The following RGS6 variants were observed in gnomAD, a reference collection of about 807,000 sequenced individuals.
RGS6 encodes regulator of G-protein signaling 6.
RGS6 carries 30 observed loss-of-function variants against 78.5 expected under a neutral mutation model. That is an observed-to-expected ratio of 0.38 (90% CI 0.29 to 0.52). RGS6 has a LOEUF of 0.52. Among genes scored for constraint, RGS6 ranks in the 20% least tolerant of loss-of-function variants. The pLI, the probability that RGS6 is intolerant of heterozygous loss-of-function variation, is 0.85. For synonymous variants in RGS6, 206 were observed against 206.0 expected (o/e 1.00, Z 0.00); for missense variants, 495 against 609.7 (o/e 0.81, Z 1.98).
At chr14:72,487,421 G>A (rs1234584363) in intron 12 of RGS6, among the ~76,000 whole-genome samples, 3 of 152,330 alleles carry the variant, frequency 2.0e-5, no homozygotes, top group East Asian at 3.9e-4. Flanking sequence ...CAGAACCTGT[G>A]AATAGGTTAT....
chr14:72,454,702 G>A lies in RGS6; in HGVS notation c.235+124G>A. ...CTTGTAAATGTGAATTCCAAGACGT[G>A]GAATCACTCTATTTACAAATAAAAT... On this transcript the variant is annotated intron_variant, in intron 4 of 17. Transcript: ENST00000553525. 5.9e-6 allele frequency: 4 copies of A among 672,880 alleles called. 1 individual carries two copies. The highest frequency in any genetic ancestry group is 5.9e-5 in the South Asian group (3 of 50,640). 41.7% of individuals were successfully genotyped at this position (672,880 alleles called of 1,614,324 possible).
the RGS6 span, among the ~76,000 whole-genome samples, chr14:72,604,269 C>A: frequency 6.6e-6 from 1 of 152,160 alleles, no homozygotes; most frequent in East Asian, 1.9e-4. Flanking sequence ...GCCCAGCATC[C>A]CTAGAATAAA....
intron 3 of RGS6, among the ~76,000 whole-genome samples, chr14:72,373,274 G>A (rs2083892491): frequency 1.3e-5 from 2 of 152,204 alleles, no homozygotes; most frequent in Non-Finnish European, 2.9e-5. Flanking sequence ...GTACCTCATC[G>A]AGTTCATATT....
At chr14:72,538,372 C>G (rs544657732) in intron 16 of RGS6, among the ~76,000 whole-genome samples, 3 of 152,338 alleles carry the variant, frequency 2.0e-5, no homozygotes, top group Admixed American at 6.5e-5. Context: ...AATTCAGCCT[C>G]TTTTCTAATA....
At chr14:72,527,784 C>A (rs1416568206) in intron 15 of RGS6, among the ~76,000 whole-genome samples, 1 of 152,228 alleles carries the variant, frequency 6.6e-6, no homozygotes, top group Admixed American at 6.5e-5. Flanking sequence ...CACAGCAACA[C>A]CACATTCTGT....
intron 2 of RGS6, among the ~76,000 whole-genome samples, chr14:72,103,488 A>G (rs2153529893): frequency 6.6e-6 from 1 of 152,360 alleles, no homozygotes; most frequent in Non-Finnish European, 1.5e-5. Flanking sequence ...TCTGAATAGC[A>G]GCAATCATCA....
At chr14:72,119,608 C>T (rs1264651529) in intron 2 of RGS6, among the ~76,000 whole-genome samples, 2 of 152,036 alleles carry the variant, frequency 1.3e-5, no homozygotes, top group African/African-American at 4.8e-5. Context: ...AATTCAAGTA[C>T]TGATTTTAGC....
intron 2 of RGS6, among the ~76,000 whole-genome samples, chr14:72,194,987 C>T (rs546008264): frequency 5.9e-5 from 9 of 152,214 alleles, no homozygotes; most frequent in South Asian, 4.2e-4. Context: ...GCAGGCGGAT[C>T]GCTTGAGGTC....
At chr14:71,983,968 G>T (rs1269496840) in intron 2 of RGS6, among the ~76,000 whole-genome samples, 1 of 152,122 alleles carries the variant, frequency 6.6e-6, no homozygotes, top group East Asian at 1.9e-4. Flanking sequence ...ACTGTGTGGG[G>T]AATAAAAAGT....
chr14:72,295,151 C>T (rs912826865), intron 2 of RGS6, among the ~76,000 whole-genome samples: 30 of 151,426 alleles, frequency 2.0e-4, no homozygotes, highest in African/African-American at 5.1e-4. Context: ...ATTAGCCGGG[C>T]GTAGTGGCGG....
chr14:72,414,904 C>T (rs1037975191), intron 3 of RGS6, among the ~76,000 whole-genome samples: 1 of 152,202 alleles, frequency 6.6e-6, no homozygotes, highest in Non-Finnish European at 1.5e-5. Context: ...CCTGATCGTT[C>T]CTCTGGAAGT....
chr14:72,117,268 TG>T (rs1455200574), intron 2 of RGS6, among the ~76,000 whole-genome samples: 3 of 151,868 alleles, frequency 2.0e-5, no homozygotes, highest in Non-Finnish European at 4.4e-5. Context: ...ACGTTGGAGG[TG>T]GGGGCTGGTG....
At chr14:72,027,534 A>G (rs1342607870) in intron 2 of RGS6, among the ~76,000 whole-genome samples, 2 of 148,458 alleles carry the variant, frequency 1.3e-5, no homozygotes, top group African/African-American at 2.5e-5. Context: ...AAGTGGTTTT[A>G]CTACCCTGTT....
chr14:72,409,389 G>A (rs1049377025), intron 3 of RGS6, among the ~76,000 whole-genome samples: 3 of 151,306 alleles, frequency 2.0e-5, no homozygotes, highest in Non-Finnish European at 3.0e-5. Flanking sequence ...AGGTTAGTTG[G>A]AGGTTTCTGA....
chr14:72,251,940 T>A (rs2055897470), intron 2 of RGS6, among the ~76,000 whole-genome samples: 1 of 152,252 alleles, frequency 6.6e-6, no homozygotes, highest in Non-Finnish European at 1.5e-5. Flanking sequence ...TTCTAATGAC[T>A]ATTAGCCAAG....
Position 72,182,526 on chromosome 14 carries a change from C to T in RGS6, c.85-169569C>T, listed in dbSNP as rs751570470. Among the ~76,000 whole-genome samples the T allele has an allele frequency of 3.9e-5, 6 of 152,174 alleles. No homozygotes were observed. In the East Asian group the frequency reaches 7.7e-4, roughly 20 times the overall value. ...ATGCTAGGTTGCACTCCTTGCACTC[C>T]GTAGTGCAACCCAATAGCACCATGG... On this transcript the variant is annotated intron_variant, in intron 2 of 17. Coordinates refer to ENST00000553525, the MANE Select transcript of RGS6 (RefSeq NM_001204424.2).
intron 3 of RGS6, among the ~76,000 whole-genome samples, chr14:72,399,759 G>T (rs1010461255): frequency 6.6e-6 from 1 of 152,138 alleles, no homozygotes; most frequent in African/African-American, 2.4e-5. Context: ...TTGCTTGTCT[G>T]TAAAGTATTT....
chr14:72,615,641 C>T, the RGS6 span, among the ~76,000 whole-genome samples: 97 of 152,314 alleles, frequency 6.4e-4, no homozygotes, highest in Admixed American at 1.2e-3. Context: ...TGGTTCCAGT[C>T]GGCTGGGCTC....
chr14:72,108,297 C>A (rs1022665185), intron 2 of RGS6, among the ~76,000 whole-genome samples: 2 of 152,018 alleles, frequency 1.3e-5, no homozygotes, highest in Non-Finnish European at 2.9e-5. Context: ...TAGTGATAAT[C>A]CAGTTTTTAT....
Sources: allele counts gnomAD v4.1 joint callset (sites outside exome capture counted in the v4.1 genomes callset), GRCh38; gene constraint gnomAD v4.1.1; transcripts MANE v1.5; gene names NCBI Gene and HGNC (gene_info 2026-07-23, HGNC 2026-07-21).